CD163L1: variants seen among roughly 807,000 people sequenced by gnomAD.
CD163L1 encodes the protein scavenger receptor cysteine-rich type 1 protein M160.
Under a neutral mutation model 165.4 loss-of-function variants are expected in CD163L1, and 124 were observed. The ratio of observed to expected loss-of-function variants is 0.75; its 90% CI spans 0.65 to 0.87. CD163L1 has a LOEUF of 0.87. CD163L1 is among the 40% of genes least tolerant of loss of function. CD163L1 has a pLI of 0.00. For missense variants in CD163L1, 1,525 were observed against 1,799.9 expected (o/e 0.85, Z 2.76); for synonymous variants, 585 against 662.2 (o/e 0.88, Z 1.79).
At chr12:7,380,036 T>C (rs1255182091) in intron 8 of CD163L1, among the ~76,000 whole-genome samples, 1 of 152,132 alleles carries the variant, frequency 6.6e-6, no homozygotes, top group Non-Finnish European at 1.5e-5. Context: ...TCTACACTGC[T>C]GGTGGGAATG....
the CD163L1 span, among the ~76,000 whole-genome samples, chr12:7,332,225 T>C: frequency 1.3e-5 from 2 of 151,408 alleles, no homozygotes; most frequent in Non-Finnish European, 2.9e-5. Context: ...AGAAGAGAAG[T>C]TTAGAGAAAA....
Position 7,373,547 on chromosome 12 carries a change from C to A in CD163L1, c.3503G>T (p.Gly1168Val). The A allele has an allele frequency of 6.2e-7, 1 of 1,614,232 alleles. No individual in the cohort carries two copies. The highest frequency in any genetic ancestry group is 8.5e-7 in the Non-Finnish European group (1 of 1,180,038). ...VFYNGTWGSV[G>V]RRNITTAIAG... is the part of the protein sequence containing the mutation. ...TATGGCTGTGGTGATGTTCCTCCTG[C>A]CGACGCTGCCCCAGGTCCCGTTATA... The change falls in exon 14 of 20, where the codon GGC (glycine) becomes GTC (valine). Residue 1168 changes from glycine (G) to valine (V), a missense_variant. Physicochemically the swap from Gly to Val is moderately radical, Grantham distance 109. Transcript: ENST00000313599.
chr12:7,432,885 G>T lies in CD163L1; in HGVS notation c.446-149C>A. ...CTGAAAATACTTATAGGAGGGGTAT[G>T]TGAGGCTTTTTTCTAAACACAAATA... is the stretch of plus-strand genomic sequence containing the variant. On this transcript the variant is annotated intron_variant, in intron 3 of 19. Coordinates refer to ENST00000313599, the MANE Select transcript of CD163L1 (RefSeq NM_174941.6). The surrounding 1 kb of genome is among the most constrained non-coding windows in gnomAD (Gnocchi z 4.2). 1.6e-6 allele frequency: 1 copy of T among 634,910 alleles called. No homozygotes were observed. Among genetic ancestry groups the T allele is most frequent in the Non-Finnish European group, 2.5e-6 (1 of 401,164 alleles). The allele number at this position is 634,910 out of a possible 1,614,324, so 39.3% of individuals were successfully genotyped here. A position where few individuals can be genotyped will look rare whatever the true frequency, so the allele number is the denominator to read the frequency against.
At chr12:7,413,694 C>T (rs767207213) in intron 4 of CD163L1, among the ~76,000 whole-genome samples, 12 of 152,320 alleles carry the variant, frequency 7.9e-5, no homozygotes, top group East Asian at 1.9e-4. Flanking sequence ...GATCCTCAGA[C>T]GGTGTGTGTA....
At chr12:7,324,163 A>G in the CD163L1 span, 1 of 1,383,836 alleles carries the variant, frequency 7.2e-7, no homozygotes, top group South Asian at 1.5e-5. Flanking sequence ...CTCAAAAAAA[A>G]AAAAATTTCC....
intron 6 of CD163L1, among the ~76,000 whole-genome samples, chr12:7,401,660 A>G (rs918073065): frequency 2.6e-5 from 4 of 152,150 alleles, no homozygotes; most frequent in African/African-American, 9.6e-5. Context: ...CTTTAACATT[A>G]AGATAGATTA....
In CD163L1 at chr12:7,432,399, A is replaced by T. The variant is rs772805367; in HGVS notation, c.766+17T>A. ...ACAAATTGTTCCTTTCTTCTACATG[A>T]TGTCTTGGGTTCTTACCATAACAAG... On this transcript the variant is annotated intron_variant, in intron 4 of 19. Transcript: ENST00000313599. The surrounding 1 kb of genome is among the most constrained non-coding windows in gnomAD (Gnocchi z 4.2). 10 of 1,565,204 alleles carry T rather than the reference A, an allele frequency of 6.4e-6. No individual in the cohort carries two copies. In the African/African-American group the frequency reaches 1.2e-4, roughly 19 times the overall value.
At chr12:7,383,181 CA>C (rs1470871862) in intron 8 of CD163L1, among the ~76,000 whole-genome samples, 1 of 152,122 alleles carries the variant, frequency 6.6e-6, no homozygotes, top group Non-Finnish European at 1.5e-5. Context: ...GCATGCCACC[CA>C]AAGGTCTGGA....
At chr12:7,391,654 C>T (rs953373756) in intron 8 of CD163L1, among the ~76,000 whole-genome samples, 1 of 151,914 alleles carries the variant, frequency 6.6e-6, no homozygotes, top group Non-Finnish European at 1.5e-5. Flanking sequence ...ACTCAAGACC[C>T]GTCAGTGTGC....
rs186683222 is a variant in CD163L1, at chr12:7,410,572, C to A, written c.767-3720G>T. On this transcript the variant is annotated intron_variant, in intron 4 of 19. Coordinates refer to ENST00000313599, the MANE Select transcript of CD163L1 (RefSeq NM_174941.6). ...TGAGCTGAGATCACACCACCGCACTCCAGCCTGAGTGACAGAGCGAGAGTC... is the reference window on the plus strand; with the variant it reads ...TGAGCTGAGATCACACCACCGCACTACAGCCTGAGTGACAGAGCGAGAGTC... 5.3e-5 allele frequency among the ~76,000 whole-genome samples: 8 copies of A among 151,010 alleles called. No homozygotes were observed. In the East Asian group the frequency reaches 1.4e-3, roughly 26 times the overall value.
At chr12:7,344,890 T>A (rs2136358763), downstream of CD163L1, among the ~76,000 whole-genome samples, 1 of 152,344 alleles carries the variant, frequency 6.6e-6, no homozygotes, top group East Asian at 1.9e-4. Context: ...CTGGAGCAGA[T>A]GTGAGGAGCA....
At chr12:7,373,068 T>G (rs754604125) in intron 14 of CD163L1, among the ~76,000 whole-genome samples, 2 of 152,236 alleles carry the variant, frequency 1.3e-5, no homozygotes, top group African/African-American at 4.8e-5. Flanking sequence ...TATCCTTTTA[T>G]GTGCTTTCAT....
Position 7,375,494 on chromosome 12 carries a change from C to T in CD163L1, c.2788G>A (p.Asp930Asn), listed in dbSNP as rs867762863. 1 of 1,614,124 alleles carries T rather than the reference C, an allele frequency of 6.2e-7. No homozygotes were observed. The highest frequency in any genetic ancestry group is 8.5e-7 in the Non-Finnish European group (1 of 1,180,020). ...HWGSLCDTHW[D>N]PEDARVLCRQ... ...CATAGAACACGGGCATCTTCTGGGT[C>T]CCAGTGGGTGTCACACAGTGAGCCC... The change falls in exon 11 of 20, where the codon GAC (aspartate) becomes AAC (asparagine). Residue 930 changes from aspartate to asparagine, a missense_variant. Asp to Asn is a conservative substitution (Grantham distance 23, BLOSUM62 1). Transcript: ENST00000313599.
chr12:7,357,272 C>A, intron 19 of CD163L1, 108 bp downstream of exon 19: 1 of 640,530 alleles, frequency 1.6e-6, no homozygotes, highest in Non-Finnish European at 2.7e-6. Context: ...GGATATGAAC[C>A]AGTGACATAA....
chr12:7,437,578 A>C (rs1591974501), intron 2 of CD163L1, among the ~76,000 whole-genome samples: 1 of 151,434 alleles, frequency 6.6e-6, no homozygotes, highest in Non-Finnish European at 1.5e-5. Flanking sequence ...GAGTGAGAAC[A>C]TGCGGTGTTT....
chr12:7,402,087 T>C (rs769650276), intron 6 of CD163L1, among the ~76,000 whole-genome samples: 13 of 151,960 alleles, frequency 8.6e-5, no homozygotes, highest in Non-Finnish European at 1.9e-4. Flanking sequence ...TAACCTGACA[T>C]TCTTGAATAT....
chr12:7,405,064 T>G (rs1245810210), intron 5 of CD163L1, among the ~76,000 whole-genome samples: 1 of 152,168 alleles, frequency 6.6e-6, no homozygotes, highest in Non-Finnish European at 1.5e-5. Context: ...ACATCTGTTT[T>G]CACTGTTGGG....
At chr12:7,344,013 G>A (rs1946653323), downstream of CD163L1, among the ~76,000 whole-genome samples, 1 of 152,040 alleles carries the variant, frequency 6.6e-6, no homozygotes, top group Non-Finnish European at 1.5e-5. Flanking sequence ...GGGAGAAATG[G>A]TCCAAAAGAA....
intron 4 of CD163L1, among the ~76,000 whole-genome samples, chr12:7,410,376 C>T (rs1475925225): frequency 4.6e-5 from 7 of 151,978 alleles, no homozygotes; most frequent in African/African-American, 1.7e-4. Context: ...GAGACCAAGG[C>T]GGGCAGATCA....
Sources: gnomAD v4.1 joint callset for allele counts (sites outside exome capture counted in the v4.1 genomes callset) on GRCh38, gnomAD v4.1.1 for gene constraint, Gnocchi (gnomAD v3.1) non-coding constraint, MANE v1.5 for transcripts, NCBI Gene and HGNC (gene_info 2026-07-23, HGNC 2026-07-21) for gene names.